The following HPCAL1 variants were observed in gnomAD, a reference collection of about 807,000 sequenced individuals.
The protein encoded by HPCAL1 is hippocalcin like 1, also known as hippocalcin-like protein 1.
A neutral mutation model predicts 17.1 loss-of-function variants in HPCAL1; 8 were observed. The observed-to-expected ratio is 0.47, with a 90% CI of 0.27 to 0.84. The LOEUF is 0.84. Ranked by LOEUF, HPCAL1 falls within the 40% of genes least tolerant of loss-of-function variation. The probability of loss-of-function intolerance (pLI) is 0.13; values close to 1 mark genes in which losing one functional copy is unlikely to be tolerated. For synonymous variants in HPCAL1, 112 were observed against 111.4 expected (o/e 1.01, Z -0.03); for missense variants, 165 against 271.1 (o/e 0.61, Z 2.75).
intron 1 of HPCAL1, among the ~76,000 whole-genome samples, chr2:10,373,873 G>C (rs1185361822): frequency 1.3e-5 from 2 of 152,226 alleles, no homozygotes; most frequent in African/African-American, 2.4e-5. Context: ...TTGGAACTCA[G>C]GGTCTTTGGG....
At chr2:10,393,362 G>A (rs1450377169) in intron 1 of HPCAL1, among the ~76,000 whole-genome samples, 2 of 152,210 alleles carry the variant, frequency 1.3e-5, no homozygotes, top group Admixed American at 6.5e-5. Context: ...CAAGGTCTCC[G>A]GAACAGCAGA....
chr2:10,365,959 G>A lies in HPCAL1; in HGVS notation c.-110-30876G>A, dbSNP rs1009000177. Among the ~76,000 whole-genome samples the A allele has an allele frequency of 2.6e-5, 4 of 152,144 alleles. No individual in the cohort carries two copies. Among genetic ancestry groups the A allele is most frequent in the Non-Finnish European group, 4.4e-5 (3 of 68,030 alleles). On this transcript the variant is annotated intron_variant, in intron 1 of 4. Transcript: ENST00000307845. This position sits in a 1 kb window ranked among gnomAD's most constrained non-coding sequence, Gnocchi z 4.8. ...AGGGATGCACGCCTCATGAGGAGAC[G>A]CTCACTCCCCCAGACACACTGAGTA...
At chr2:10,356,754 C>A (rs1483708541) in intron 1 of HPCAL1, among the ~76,000 whole-genome samples, 1 of 152,134 alleles carries the variant, frequency 6.6e-6, no homozygotes, top group East Asian at 1.9e-4. Context: ...CGGGCCCAGC[C>A]ATGCTCTTGG....
chr2:10,414,133 A>G (rs1670511601), intron 2 of HPCAL1, among the ~76,000 whole-genome samples: 1 of 152,242 alleles, frequency 6.6e-6, no homozygotes, highest in Non-Finnish European at 1.5e-5. Context: ...TAGGTAAAGT[A>G]TCTGACAAAA....
At chr2:10,319,309 C>T (rs1663522296) in intron 1 of HPCAL1, among the ~76,000 whole-genome samples, 1 of 152,096 alleles carries the variant, frequency 6.6e-6, no homozygotes, top group South Asian at 2.1e-4. Flanking sequence ...TGGAGGCTTG[C>T]AGGGGAAATG....
At chr2:10,391,949 C>T (rs1034461993) in intron 1 of HPCAL1, among the ~76,000 whole-genome samples, 5 of 152,088 alleles carry the variant, frequency 3.3e-5, no homozygotes, top group Non-Finnish European at 7.4e-5. Context: ...GGGATTTCAC[C>T]ATCTTGTCCA....
intron 1 of HPCAL1, among the ~76,000 whole-genome samples, chr2:10,382,332 C>T (rs55689192): frequency 0.18 from 26,679 of 152,092 alleles, 3,015 homozygotes; most frequent in East Asian, 0.49. Flanking sequence ...GGCAGTGAAA[C>T]TGCTCTGTGT....
In HPCAL1 at chr2:10,363,174, A is replaced by AT. The variant is rs200163279; in HGVS notation, c.-110-33654dup. On this transcript the variant is annotated intron_variant, in intron 1 of 4. Transcript: ENST00000307845. This position sits in a 1 kb window ranked among gnomAD's most constrained non-coding sequence, Gnocchi z 4.7. The stretch of plus-strand genomic sequence containing the variant: ...CTCACTCTAACCCATGCTGTATCTG[A>AT]TTTTTTTCCTGAGGTAGGCTTGAGA... Among the ~76,000 whole-genome samples, 1,764 of 152,120 alleles carry AT rather than the reference A, an allele frequency of 0.012. 43 individuals are homozygous for AT. Among genetic ancestry groups the AT allele is most frequent in the African/African-American group, 0.04 (1,658 of 41,488 alleles).
In HPCAL1 at chr2:10,384,464, A is replaced by G. The variant is rs1238272714; in HGVS notation, c.-110-12371A>G. On this transcript the variant is annotated intron_variant, in intron 1 of 4. Coordinates refer to ENST00000307845, the MANE Select transcript of HPCAL1 (RefSeq NM_002149.4). This position sits in a 1 kb window ranked among gnomAD's most constrained non-coding sequence, Gnocchi z 4.4. ...TCACACTCACTACTGCCCTCCACAA[A>G]CTGCCATGCTTGCTTGGTGCACGGT... 1.3e-5 allele frequency among the ~76,000 whole-genome samples: 2 copies of G among 152,090 alleles called. No homozygotes were observed. The highest frequency in any genetic ancestry group is 3.9e-4 in the East Asian group (2 of 5,154).
At chr2:10,347,897 G>A (rs1266963477) in intron 1 of HPCAL1, among the ~76,000 whole-genome samples, 1 of 152,216 alleles carries the variant, frequency 6.6e-6, no homozygotes, top group African/African-American at 2.4e-5. Flanking sequence ...GGGAATGGGG[G>A]AGGGGAGGAG....
At chr2:10,391,145 G>T (rs1668667505) in intron 1 of HPCAL1, among the ~76,000 whole-genome samples, 1 of 152,194 alleles carries the variant, frequency 6.6e-6, no homozygotes, top group Non-Finnish European at 1.5e-5. Flanking sequence ...GGTTTGCAGG[G>T]CCTGCTGGGG....
At chr2:10,424,555 G>A (rs747235052) in intron 4 of HPCAL1, 5 of 470,962 alleles carry the variant, frequency 1.1e-5, no homozygotes, top group South Asian at 4.6e-5. Context: ...ATGGTCACTC[G>A]CTGCCCGAAT....
intron 1 of HPCAL1, among the ~76,000 whole-genome samples, chr2:10,332,861 A>G (rs1022765906): frequency 2.0e-5 from 3 of 152,116 alleles, no homozygotes; most frequent in African/African-American, 4.8e-5. Flanking sequence ...TGAGAGGCTC[A>G]CTAAACTGAC....
At chr2:10,320,000 A>G (rs574388809) in intron 1 of HPCAL1, among the ~76,000 whole-genome samples, 3 of 152,082 alleles carry the variant, frequency 2.0e-5, no homozygotes, top group African/African-American at 7.2e-5. Context: ...CTTCTTGCCA[A>G]CCTGCCTGCC....
At chr2:10,426,524 G>T (rs1297787857) in intron 4 of HPCAL1, 200 bp from the exon 5 acceptor site, 4 of 567,110 alleles carry the variant, frequency 7.1e-6, no homozygotes, top group African/African-American at 3.8e-5. Context: ...CTGATGTATT[G>T]CAGGGAGCAG....
In HPCAL1 at chr2:10,410,436, C is replaced by CTTTTTTTT. The variant is rs36002921; in HGVS notation, c.-24-9280_-24-9273dup. On this transcript the variant is annotated intron_variant, in intron 2 of 4. Coordinates refer to ENST00000307845, the MANE Select transcript of HPCAL1 (RefSeq NM_002149.4). ...CCTTGTTCCTCTTTTTCTTCTTCTTCTTTTTTTTTTTTTTTTTTTTTTTTT... is the reference window on the plus strand; with the variant it reads ...CCTTGTTCCTCTTTTTCTTCTTCTTCTTTTTTTTTTTTTTTTTTTTTTTTTTTTTTTTT... Among the ~76,000 whole-genome samples the CTTTTTTTT allele has an allele frequency of 1.3e-3, 98 of 77,504 alleles. 2 individuals are homozygous for CTTTTTTTT. The highest frequency in any genetic ancestry group is 0.012 in the Middle Eastern group (1 of 82). The allele number at this position is 77,504 out of a possible 152,430, so 50.8% of individuals were successfully genotyped here. A position where few individuals can be genotyped will look rare whatever the true frequency, so the allele number is the denominator to read the frequency against.
intron 1 of HPCAL1, among the ~76,000 whole-genome samples, chr2:10,324,813 T>C (rs1663891607): frequency 8.1e-6 from 1 of 123,128 alleles, no homozygotes; most frequent in South Asian, 2.6e-4. Flanking sequence ...TGCTGGTTTT[T>C]GTGTTTTTTT....
chr2:10,353,317 G>C (rs1018863596), intron 1 of HPCAL1, among the ~76,000 whole-genome samples: 7 of 152,166 alleles, frequency 4.6e-5, no homozygotes, highest in African/African-American at 1.7e-4. Flanking sequence ...GCAACAACAA[G>C]AACAAGCACA....
chr2:10,392,681 G>C (rs1466625042), intron 1 of HPCAL1, among the ~76,000 whole-genome samples: 2 of 152,196 alleles, frequency 1.3e-5, no homozygotes, highest in Admixed American at 6.5e-5. Context: ...AGTGGAAGCA[G>C]GGAGAGGTGA....
Sources: gnomAD v4.1 joint callset for allele counts (sites outside exome capture counted in the v4.1 genomes callset) on GRCh38, gnomAD v4.1.1 for gene constraint, Gnocchi (gnomAD v3.1) non-coding constraint, MANE v1.5 for transcripts, NCBI Gene and HGNC (gene_info 2026-07-23, HGNC 2026-07-21) for gene names.